Variants in HPGD observed in about 807,000 individuals in gnomAD.
HPGD encodes the protein 15-hydroxyprostaglandin dehydrogenase, also known as 15-hydroxyprostaglandin dehydrogenase [NAD(+)].
HPGD carries 29 observed loss-of-function variants against 30.0 expected under a neutral mutation model. The ratio of observed to expected loss-of-function variants is 0.97; its 90% CI spans 0.72 to 1.32. HPGD has a LOEUF of 1.32. Among genes scored for constraint, HPGD ranks in the 40% most tolerant of loss-of-function variants. The pLI is 0.00. For synonymous variants in HPGD, 99 were observed against 112.4 expected (o/e 0.88, Z 0.75); for missense variants, 340 against 322.1 (o/e 1.06, Z -0.43).
chr4:174,495,502 A>G, intron 5 of HPGD, 46 bp downstream of exon 5: 1 of 1,371,762 alleles, frequency 7.3e-7, no homozygotes, highest in Non-Finnish European at 1.0e-6. Flanking sequence ...TGTTTTATAA[A>G]TGTGTACAAA....
At chr4:174,520,405 T>A (rs1736043274) in intron 2 of HPGD, among the ~76,000 whole-genome samples, 1 of 152,238 alleles carries the variant, frequency 6.6e-6, no homozygotes, top group South Asian at 2.1e-4. Flanking sequence ...TTTTTATAAT[T>A]TCCACACTGT....
chr4:174,497,020 C>T (rs781303526), intron 4 of HPGD, among the ~76,000 whole-genome samples: 29 of 152,262 alleles, frequency 1.9e-4, no homozygotes, highest in African/African-American at 5.3e-4. Flanking sequence ...TTTCCACAGG[C>T]TACATAGGTA....
chr4:174,522,266 G>T, intron 1 of HPGD, 93 bp downstream of exon 1: 1 of 1,371,130 alleles, frequency 7.3e-7, no homozygotes, highest in South Asian at 1.2e-5. Context: ...CGCCGGGCGC[G>T]GCCTCCCTGT....
At chr4:174,504,090 T>C (rs1446748713) in intron 4 of HPGD, among the ~76,000 whole-genome samples, 1 of 152,210 alleles carries the variant, frequency 6.6e-6, no homozygotes, top group Non-Finnish European at 1.5e-5. Flanking sequence ...TAAGAGACAC[T>C]GATATACAGC....
intron 4 of HPGD, among the ~76,000 whole-genome samples, chr4:174,500,206 A>G (rs552479112): frequency 2.0e-5 from 3 of 152,206 alleles, no homozygotes; most frequent in African/African-American, 4.8e-5. Context: ...TAAAACAACA[A>G]TGAGATTCTA....
intron 2 of HPGD, among the ~76,000 whole-genome samples, chr4:174,519,947 G>A (rs1579306962): frequency 6.6e-6 from 1 of 152,104 alleles, no homozygotes; most frequent in Admixed American, 6.6e-5. Context: ...GATTACAAGC[G>A]TGAAGCCACT....
intron 4 of HPGD, among the ~76,000 whole-genome samples, chr4:174,502,007 A>T (rs991556355): frequency 2.0e-5 from 3 of 152,192 alleles, no homozygotes; most frequent in Non-Finnish European, 2.9e-5. Flanking sequence ...TGGACTATAT[A>T]AAAATGCTGA....
chr4:174,509,461 A>G (rs907753310), intron 3 of HPGD, among the ~76,000 whole-genome samples: 3 of 152,204 alleles, frequency 2.0e-5, no homozygotes, highest in African/African-American at 7.2e-5. Flanking sequence ...AGTTTTGGTC[A>G]GTGAGACCTG....
intron 2 of HPGD, 31 bp downstream of exon 2, chr4:174,521,913 C>G: frequency 6.2e-7 from 1 of 1,613,652 alleles, no homozygotes; most frequent in Non-Finnish European, 8.5e-7. Context: ...AGAGCACGTT[C>G]CCAGTTGACA....
At chr4:174,513,500 A>C (rs1031085278) in intron 3 of HPGD, among the ~76,000 whole-genome samples, 1 of 152,004 alleles carries the variant, frequency 6.6e-6, no homozygotes, top group African/African-American at 2.4e-5. Context: ...AAAGCTATAT[A>C]ATGCATTTAG....
chr4:174,514,196 GT>G (rs796396324), intron 3 of HPGD, among the ~76,000 whole-genome samples: 17 of 152,188 alleles, frequency 1.1e-4, no homozygotes, highest in African/African-American at 4.1e-4. Context: ...GCCAAGAGAT[GT>G]AAGTATGATT....
rs868773592 is a variant in HPGD, at chr4:174,522,438, C to G, written c.14G>C (p.Gly5Ala). 2 of 1,580,764 alleles carry G rather than the reference C, an allele frequency of 1.3e-6. No homozygotes were observed. The highest frequency in any genetic ancestry group is 1.7e-6 in the Non-Finnish European group (2 of 1,164,204). Residue 5 changes from glycine to alanine, a missense_variant, in exon 1 of 7, where the codon GGC becomes GCC. Gly to Ala is a moderately conservative substitution (Grantham distance 60). Coordinates refer to ENST00000296522, the MANE Select transcript of HPGD (RefSeq NM_000860.6). MHVN[G>A]KVALVTGAAQ... ...CGCGCCGGTCACCAGCGCCACTTTG[C>G]CGTTCACGTGCATGGTGCAGCCACT...
At position 174,492,635 on chromosome 4, in the gene HPGD, T is replaced by C. The variant is rs984100310; in HGVS notation, c.662+516A>G. The stretch of plus-strand genomic sequence containing the variant: ...AAAATTGAAGCATCTAGAGGTATGA[T>C]GGGTAAGTTCATGGTTAGTGGTAGA... On this transcript the variant is annotated intron_variant, in intron 6 of 6. Coordinates refer to ENST00000296522, the MANE Select transcript of HPGD (RefSeq NM_000860.6). The surrounding 1 kb of genome is among the most constrained non-coding windows in gnomAD (Gnocchi z 4.9). Among the ~76,000 whole-genome samples, 18 of 152,060 alleles carry C rather than the reference T, an allele frequency of 1.2e-4. No individual in the cohort carries two copies. Among genetic ancestry groups the C allele is most frequent in the African/African-American group, 4.1e-4 (17 of 41,426 alleles).
intron 4 of HPGD, among the ~76,000 whole-genome samples, chr4:174,506,502 C>T (rs1019292236): frequency 6.6e-6 from 1 of 152,096 alleles, no homozygotes; most frequent in Non-Finnish European, 1.5e-5. Flanking sequence ...TTGTACCAGG[C>T]TATTTGCATG....
intron 4 of HPGD, among the ~76,000 whole-genome samples, chr4:174,499,914 A>G (rs1249388050): frequency 1.3e-5 from 2 of 152,044 alleles, no homozygotes; most frequent in Non-Finnish European, 2.9e-5. Flanking sequence ...TTCACTCCTG[A>G]GGATAAAAAT....
In HPGD at chr4:174,496,790, C is replaced by T. The variant is rs1182822152; in HGVS notation, c.422-1166G>A. Among the ~76,000 whole-genome samples the T allele has an allele frequency of 1.3e-5, 2 of 152,132 alleles. No homozygotes were observed. Among genetic ancestry groups the T allele is most frequent in the Admixed American group, 1.3e-4 (2 of 15,276 alleles). ...GCCAAAGTTCAGCAATAAATGCAGA[C>T]CATAACCACTCCCTGGGTGCCTGCC... On this transcript the variant is annotated intron_variant, in intron 4 of 6. Transcript: ENST00000296522. The surrounding 1 kb of genome is among the most constrained non-coding windows in gnomAD (Gnocchi z 4.6).
At chr4:174,522,490 G>A (rs961575704), upstream of HPGD, 1 of 1,472,124 alleles carries the variant, frequency 6.8e-7, no homozygotes. Context: ...GGCGAGCTCC[G>A]CGTCTCCGCG....
Position 174,491,843 on chromosome 4 carries a change from G to A in HPGD, c.*113C>T. 1 of 1,013,302 alleles carries A rather than the reference G, an allele frequency of 9.9e-7. No individual in the cohort carries two copies. The highest frequency in any genetic ancestry group is 1.3e-5 in the South Asian group (1 of 75,666). 62.8% of individuals were successfully genotyped at this position (1,013,302 alleles called of 1,614,324 possible). A position where few individuals can be genotyped will look rare whatever the true frequency, so the allele number is the denominator to read the frequency against. On this transcript the variant is annotated 3_prime_UTR_variant, in exon 7 of 7. Coordinates refer to ENST00000296522, the MANE Select transcript of HPGD (RefSeq NM_000860.6). ...AGAAAACGTTTATCACCAAGTGCAT[G>A]AAGGAAAACTTCAAACTGTAACATT...
At chr4:174,506,397 T>G in intron 4 of HPGD, among the ~76,000 whole-genome samples, 5 of 152,236 alleles carry the variant, frequency 3.3e-5, no homozygotes, top group Admixed American at 2.6e-4. Context: ...CTTTTACTTT[T>G]CTGTTAGGCT....
Sources: allele counts gnomAD v4.1 joint callset (sites outside exome capture counted in the v4.1 genomes callset), GRCh38; gene constraint gnomAD v4.1.1; non-coding constraint Gnocchi (gnomAD v3.1); transcripts MANE v1.5; gene names NCBI Gene and HGNC (gene_info 2026-07-23, HGNC 2026-07-21).